Variants in PDE1C observed in about 807,000 individuals in gnomAD.
PDE1C encodes the protein phosphodiesterase 1C, also known as dual specificity calcium/calmodulin-dependent 3',5'-cyclic nucleotide phosphodiesterase 1C.
In PDE1C, 62 loss-of-function variants were observed where a neutral mutation model predicts 93.1. The observed-to-expected ratio is 0.67, with a 90% CI of 0.54 to 0.82. The LOEUF (loss-of-function observed/expected upper bound fraction) is 0.82. Ranked by LOEUF, PDE1C falls within the 40% of genes least tolerant of loss-of-function variation. PDE1C has a pLI of 0.00. For missense variants in PDE1C, 742 were observed against 884.6 expected (o/e 0.84, Z 2.04); for synonymous variants, 325 against 310.1 (o/e 1.05, Z -0.50).
At chr7:32,022,622 A>T (rs900581779) in intron 2 of PDE1C, among the ~76,000 whole-genome samples, 3 of 152,108 alleles carry the variant, frequency 2.0e-5, no homozygotes, top group Non-Finnish European at 2.9e-5. Flanking sequence ...TATCATTTGA[A>T]TGAATGAATA....
At chr7:32,201,854 A>G (rs1805036866) in intron 2 of PDE1C, among the ~76,000 whole-genome samples, 1 of 152,188 alleles carries the variant, frequency 6.6e-6, no homozygotes, top group Admixed American at 6.5e-5. Flanking sequence ...TCCCTTCTTA[A>G]TCTTCAGTCA....
At chr7:31,734,635 T>C in the PDE1C span, among the ~76,000 whole-genome samples, 3 of 152,118 alleles carry the variant, frequency 2.0e-5, no homozygotes, top group Non-Finnish European at 4.4e-5. Context: ...CTTAAAACTG[T>C]TTCGTGCCCA....
At chr7:31,699,994 GA>G in the PDE1C span, among the ~76,000 whole-genome samples, 1 of 151,986 alleles carries the variant, frequency 6.6e-6, no homozygotes, top group Admixed American at 6.6e-5. Context: ...TATTCCACGA[GA>G]CACAAAGATA....
intron 16 of PDE1C, among the ~76,000 whole-genome samples, chr7:31,803,610 A>T (rs1314634124): frequency 6.6e-6 from 1 of 151,520 alleles, no homozygotes; most frequent in Non-Finnish European, 1.5e-5. Context: ...ATGTGTTCTC[A>T]TTGTTCAATT....
chr7:32,250,304 C>T (rs1809270692), intron 1 of PDE1C, among the ~76,000 whole-genome samples: 1 of 152,234 alleles, frequency 6.6e-6, no homozygotes, highest in Admixed American at 6.5e-5. Flanking sequence ...GTCACACACA[C>T]AGCCATTAGG....
chr7:31,619,566 A>C, the PDE1C span, among the ~76,000 whole-genome samples: 1 of 152,130 alleles, frequency 6.6e-6, no homozygotes, highest in African/African-American at 2.4e-5. Context: ...ATGCTGAGGA[A>C]ATCAATGGTC....
intron 1 of PDE1C, among the ~76,000 whole-genome samples, chr7:32,294,790 C>G (rs1028376532): frequency 6.6e-6 from 1 of 152,216 alleles, no homozygotes; most frequent in African/African-American, 2.4e-5. Context: ...TGCTCCTTCA[C>G]AAGTACTACC....
intron 4 of PDE1C, 145 bp from the exon 5 acceptor site, chr7:31,878,181 A>G (rs928895774): frequency 5.3e-6 from 3 of 570,700 alleles, no homozygotes; most frequent in Non-Finnish European, 9.2e-6. Context: ...GACATTTTTA[A>G]TATTCACTCA....
the PDE1C span, among the ~76,000 whole-genome samples, chr7:31,676,215 G>A: frequency 2.6e-5 from 4 of 152,132 alleles, no homozygotes; most frequent in African/African-American, 9.7e-5. Context: ...GTCAGCCAGA[G>A]TGTAAGATGT....
intron 3 of PDE1C, among the ~76,000 whole-genome samples, chr7:32,141,581 T>C (rs914012049): frequency 8.5e-5 from 13 of 152,070 alleles, no homozygotes; most frequent in African/African-American, 3.1e-4. Context: ...AACAGAGAGA[T>C]GATATTTGAC....
chr7:32,397,515 T>C (rs1784859567), intron 1 of PDE1C, among the ~76,000 whole-genome samples: 2 of 152,150 alleles, frequency 1.3e-5, no homozygotes, highest in Admixed American at 1.3e-4. Context: ...ATTTGGCAAA[T>C]TTTTAAAAAT....
chr7:31,729,770 A>T, the PDE1C span, among the ~76,000 whole-genome samples: 5 of 152,152 alleles, frequency 3.3e-5, no homozygotes, highest in African/African-American at 1.2e-4. Context: ...TCTCCCTTTA[A>T]CCCAGGATCT....
chr7:32,334,114 A>G (rs1239251488), intron 1 of PDE1C, among the ~76,000 whole-genome samples: 6 of 152,222 alleles, frequency 3.9e-5, no homozygotes, highest in Non-Finnish European at 7.3e-5. Flanking sequence ...AAAGAAAATC[A>G]TAAGGATCAA....
chr7:31,878,067 G>A (rs1583740352), intron 4 of PDE1C, 31 bp from the exon 5 acceptor site: 1 of 1,491,548 alleles, frequency 6.7e-7, no homozygotes, highest in South Asian at 1.1e-5. Flanking sequence ...AATGCAACAT[G>A]ATATCTTATA....
chr7:32,329,858 G>A (rs367601875), intron 1 of PDE1C, among the ~76,000 whole-genome samples: 20 of 152,284 alleles, frequency 1.3e-4, no homozygotes, highest in African/African-American at 4.1e-4. Context: ...GCCGAAAACC[G>A]GTGGAAAGGA....
At chr7:31,956,024 C>T (rs1808082918) in intron 2 of PDE1C, among the ~76,000 whole-genome samples, 1 of 152,180 alleles carries the variant, frequency 6.6e-6, no homozygotes, top group East Asian at 1.9e-4. Context: ...ACAACAGCAC[C>T]TGAGTCAAAG....
At chr7:32,370,969 A>T (rs887891214) in intron 1 of PDE1C, among the ~76,000 whole-genome samples, 2 of 152,008 alleles carry the variant, frequency 1.3e-5, no homozygotes, top group African/African-American at 4.8e-5. Flanking sequence ...AGAAAGTTCA[A>T]CACTGCATAT....
intron 17 of PDE1C, among the ~76,000 whole-genome samples, chr7:31,768,988 G>A (rs1204245419): frequency 6.6e-6 from 1 of 152,046 alleles, no homozygotes; most frequent in African/African-American, 2.4e-5. Flanking sequence ...TAGAGATGGG[G>A]TTTTGTCACG....
chr7:32,359,363 G>A (rs1227686498), intron 1 of PDE1C, among the ~76,000 whole-genome samples: 3 of 151,908 alleles, frequency 2.0e-5, no homozygotes, highest in Admixed American at 6.6e-5. Flanking sequence ...TCTGGCTCTC[G>A]TTCTCCTTAA....
Sources: gnomAD v4.1 joint callset for allele counts (sites outside exome capture counted in the v4.1 genomes callset) on GRCh38, gnomAD v4.1.1 for gene constraint, MANE v1.5 for transcripts, NCBI Gene and HGNC (gene_info 2026-07-23, HGNC 2026-07-21) for gene names.